The following CHST8 variants were observed in gnomAD, a reference collection of about 807,000 sequenced individuals.
CHST8 encodes GALNAC-4-ST1.
In CHST8, 10 loss-of-function variants were observed where a neutral mutation model predicts 15.0. The observed-to-expected ratio is 0.67, with a 90% CI of 0.41 to 1.13. The LOEUF is 1.13. Among genes scored for constraint, CHST8 ranks in the 50% most tolerant of loss-of-function variants. CHST8 has a pLI of 0.00. For missense variants in CHST8, 634 were observed against 608.2 expected, an observed-to-expected ratio of 1.04 and a Z score of -0.45; for synonymous variants, 259 against 256.6, an observed-to-expected ratio of 1.01 and a Z score of -0.09.
In CHST8 at chr19:33,668,837, C is replaced by T. The variant is rs973224157; in HGVS notation, c.-87+994C>T. 2.4e-4 allele frequency among the ~76,000 whole-genome samples: 37 copies of T among 152,066 alleles called. 1 individual carries two copies. Among genetic ancestry groups the T allele is most frequent in the African/African-American group, 4.1e-4 (17 of 41,478 alleles). On this transcript the variant is annotated intron_variant, in intron 2 of 4. Coordinates refer to ENST00000650847, the MANE Select transcript of CHST8 (RefSeq NM_001127895.2). Reference sequence around the variant, plus strand: ...GTATTAGGATATATGGACTCTCGTGCGTGTGTGTCGCCATTTATACTGTGG... The same window carrying T: ...GTATTAGGATATATGGACTCTCGTGTGTGTGTGTCGCCATTTATACTGTGG...
chr19:33,649,278 C>T (rs1284396051), intron 1 of CHST8, among the ~76,000 whole-genome samples: 1 of 152,028 alleles, frequency 6.6e-6, no homozygotes, highest in Non-Finnish European at 1.5e-5. Context: ...TTGCATTTCC[C>T]CAATGAGTAA....
intron 1 of CHST8, among the ~76,000 whole-genome samples, chr19:33,637,958 C>T (rs1972227267): frequency 1.3e-5 from 2 of 151,608 alleles, no homozygotes. Context: ...AACAGATTCT[C>T]CAAGGCTGCC....
chr19:33,763,585 T>C (rs889384651), intron 3 of CHST8, among the ~76,000 whole-genome samples: 1 of 152,222 alleles, frequency 6.6e-6, no homozygotes. Context: ...GGCTGTGCCC[T>C]GGGGACCCAG....
chr19:33,708,357 G>T (rs1161982809), intron 3 of CHST8, among the ~76,000 whole-genome samples: 1 of 152,114 alleles, frequency 6.6e-6, no homozygotes, highest in African/African-American at 2.4e-5. Flanking sequence ...AAGTTTTTAA[G>T]TTTTGGCTGT....
chr19:33,744,296 G>A (rs1251609351), intron 3 of CHST8: 1 of 152,204 alleles, frequency 6.6e-6, no homozygotes, highest in African/African-American at 2.4e-5. Context: ...AAAAGGTGGG[G>A]GCAGATTCTG....
chr19:33,643,426 T>C (rs1429277673), intron 1 of CHST8, among the ~76,000 whole-genome samples: 2 of 152,222 alleles, frequency 1.3e-5, no homozygotes, highest in Non-Finnish European at 2.9e-5. Flanking sequence ...CCAGCTCTCC[T>C]GAGCCCGTGT....
intron 3 of CHST8, 28 bp from the exon 4 acceptor site, chr19:33,771,385 A>T: frequency 6.2e-7 from 1 of 1,613,324 alleles, no homozygotes; most frequent in Non-Finnish European, 8.5e-7. Flanking sequence ...ATCCGCTAAT[A>T]CTGTCCTCTC....
intron 1 of CHST8, among the ~76,000 whole-genome samples, chr19:33,665,274 A>T (rs978980218): frequency 6.6e-5 from 10 of 152,172 alleles, no homozygotes; most frequent in Non-Finnish European, 1.3e-4. Flanking sequence ...CAGACTATTT[A>T]TAAGTGAATT....
chr19:33,639,030 G>C (rs1972242357), intron 1 of CHST8, among the ~76,000 whole-genome samples: 1 of 148,934 alleles, frequency 6.7e-6, no homozygotes, highest in African/African-American at 2.5e-5. Flanking sequence ...CTTAAAGGTG[G>C]CTTGCAGGTG....
intron 2 of CHST8, among the ~76,000 whole-genome samples, chr19:33,668,194 G>T (rs1172347286): frequency 5.9e-5 from 9 of 152,200 alleles, no homozygotes; most frequent in Non-Finnish European, 1.2e-4. Context: ...TTGAGAGGCT[G>T]CCAGGAATGT....
rs913343008 is a variant in CHST8, at chr19:33,773,380, G to C, written c.*317G>C. ...AGGCCCAGAGGACGGGGGGCCCAGCGGTAAGGGATGTCCCGCACTCCCTTA... is the reference window on the plus strand; with the variant it reads ...AGGCCCAGAGGACGGGGGGCCCAGCCGTAAGGGATGTCCCGCACTCCCTTA... On this transcript the variant is annotated 3_prime_UTR_variant, in exon 5 of 5. Coordinates refer to ENST00000650847, the MANE Select transcript of CHST8 (RefSeq NM_001127895.2). 2 of 401,894 alleles carry C rather than the reference G, an allele frequency of 5.0e-6. No individual in the cohort carries two copies. Among genetic ancestry groups the C allele is most frequent in the South Asian group, 3.9e-5 (1 of 25,684 alleles). 24.9% of individuals were successfully genotyped at this position (401,894 alleles called of 1,614,324 possible). A position where few individuals can be genotyped will look rare whatever the true frequency, so the allele number is the denominator to read the frequency against.
intron 1 of CHST8, among the ~76,000 whole-genome samples, chr19:33,626,685 A>C (rs2145431684): frequency 6.6e-6 from 1 of 152,078 alleles, no homozygotes; most frequent in East Asian, 1.9e-4. Context: ...TTCCATTTTA[A>C]GTGGAAGGGC....
intron 3 of CHST8, among the ~76,000 whole-genome samples, chr19:33,756,279 C>T (rs77112765): frequency 2.4e-4 from 37 of 152,294 alleles, no homozygotes; most frequent in Non-Finnish European, 2.4e-4. Context: ...ACGAGGCTGG[C>T]GTTAGGCGGT....
chr19:33,747,428 A>G (rs1974334643), intron 3 of CHST8, among the ~76,000 whole-genome samples: 2 of 152,212 alleles, frequency 1.3e-5, no homozygotes, highest in Admixed American at 1.3e-4. Flanking sequence ...AGGGAGGAAG[A>G]GAATAGAGCC....
At position 33,648,186 on chromosome 19, in the gene CHST8, C is replaced by CCT. The variant is rs145138620; in HGVS notation, c.-163-19567_-163-19566dup. On this transcript the variant is annotated intron_variant, in intron 1 of 4. Transcript: ENST00000650847. ...AATATGGTCACTAGGGTCTGGAAGTCCTCTCTCTCTCTCTCCTCTGTGTTT... is the reference window on the plus strand; with the variant it reads ...AATATGGTCACTAGGGTCTGGAAGTCCTCTCTCTCTCTCTCTCCTCTGTGTTT... Among the ~76,000 whole-genome samples the CCT allele has an allele frequency of 5.9e-4, 89 of 149,698 alleles. 1 individual carries two copies. The highest frequency in any genetic ancestry group is 1.9e-3 in the African/African-American group (77 of 40,904).
chr19:33,624,180 G>C (rs1261281843), intron 1 of CHST8, among the ~76,000 whole-genome samples: 1 of 152,234 alleles, frequency 6.6e-6, no homozygotes, highest in African/African-American at 2.4e-5. Context: ...AAAAGTCAAG[G>C]CTTTCTTAAA....
At chr19:33,672,432 A>G (rs1972750128) in intron 2 of CHST8, among the ~76,000 whole-genome samples, 2 of 152,080 alleles carry the variant, frequency 1.3e-5, no homozygotes. Flanking sequence ...TCCTGACCTC[A>G]AAGTGATCCA....
intron 1 of CHST8, among the ~76,000 whole-genome samples, chr19:33,662,316 G>A (rs1972598446): frequency 6.6e-6 from 1 of 152,148 alleles, no homozygotes; most frequent in African/African-American, 2.4e-5. Flanking sequence ...GGATTCAAAC[G>A]ATCTGCCAGT....
intron 3 of CHST8, among the ~76,000 whole-genome samples, chr19:33,765,555 C>CAGAGAGAGAG (rs3073708): frequency 7.9e-6 from 1 of 125,830 alleles, no homozygotes; most frequent in African/African-American, 3.1e-5. Context: ...GTGTGTGTGT[C>CAGAGAGAGAG]AGAGAGAGAG....
Sources: gnomAD v4.1 joint callset for allele counts (sites outside exome capture counted in the v4.1 genomes callset) on GRCh38, gnomAD v4.1.1 for gene constraint, MANE v1.5 for transcripts, NCBI Gene and HGNC (gene_info 2026-07-23, HGNC 2026-07-21) for gene names.